NGEF: variants seen among roughly 807,000 people sequenced by gnomAD.
NGEF encodes the protein neuronal guanine nucleotide exchange factor.
A neutral mutation model predicts 80.9 loss-of-function variants in NGEF; 31 were observed. The ratio of observed to expected loss-of-function variants is 0.38; its 90% CI spans 0.29 to 0.52. The LOEUF (loss-of-function observed/expected upper bound fraction) is 0.52, where lower values mean the gene tolerates loss of function less well. Ranked by LOEUF, NGEF falls within the 20% of genes least tolerant of loss-of-function variation. The probability of loss-of-function intolerance (pLI) is 0.84; values close to 1 mark genes in which losing one functional copy is unlikely to be tolerated. For synonymous variants in NGEF, 371 were observed against 370.2 expected, an observed-to-expected ratio of 1.00 and a Z score of -0.03; for missense variants, 709 against 926.2, an observed-to-expected ratio of 0.77 and a Z score of 3.04.
chr2:232,941,522 T>G (rs1980168), intron 3 of NGEF, among the ~76,000 whole-genome samples: 114,571 of 151,566 alleles, frequency 0.76, 43,588 homozygotes, highest in East Asian at 0.89. Context: ...GGAAGATGGA[T>G]TCAGTTAAGT....
At chr2:232,971,839 G>A (rs981991795) in intron 2 of NGEF, among the ~76,000 whole-genome samples, 2 of 152,132 alleles carry the variant, frequency 1.3e-5, no homozygotes, top group Admixed American at 6.5e-5. Flanking sequence ...TTCCCCAGCG[G>A]CCCTCTTGCC....
At chr2:233,005,551 G>C (rs554759051) in intron 1 of NGEF, among the ~76,000 whole-genome samples, 11 of 149,538 alleles carry the variant, frequency 7.4e-5, no homozygotes, top group Non-Finnish European at 1.5e-4. Flanking sequence ...GGTGGATGCA[G>C]TATATTCACA....
chr2:232,880,343 G>C (rs1456094726), intron 14 of NGEF, among the ~76,000 whole-genome samples: 1 of 152,214 alleles, frequency 6.6e-6, no homozygotes, highest in East Asian at 1.9e-4. Context: ...CCCAACCTGG[G>C]AGCTAAGAGG....
chr2:232,898,064 G>T (rs1293474576), intron 5 of NGEF, among the ~76,000 whole-genome samples: 3 of 146,610 alleles, frequency 2.0e-5, no homozygotes. Context: ...ATGACGGGCA[G>T]CCAGTTTCCC....
chr2:232,920,576 T>C lies in NGEF; in HGVS notation c.536A>G (p.Tyr179Cys). ...RNLIEQIGLL[Y>C]QEYRDKSTLQ... is the part of the protein sequence containing the mutation. ...AGTCGATTTATCTCGGTATTCCTGA[T>C]ACAGGAGCCCTGAAATCAAAGAGTT... The change falls in exon 5 of 15, where the codon TAT (tyrosine) becomes TGT (cysteine). Residue 179 changes from tyrosine (Y) to cysteine (C), a missense_variant. Coordinates refer to ENST00000264051, the MANE Select transcript of NGEF (RefSeq NM_019850.3). 1 of 1,515,018 alleles carries C rather than the reference T, an allele frequency of 6.6e-7. No individual in the cohort carries two copies. The highest frequency in any genetic ancestry group is 8.8e-7 in the Non-Finnish European group (1 of 1,131,046). The allele number at this position is 1,515,018 out of a possible 1,614,324, so 93.8% of individuals were successfully genotyped here. A position where few individuals can be genotyped will look rare whatever the true frequency, so the allele number is the denominator to read the frequency against.
chr2:233,008,040 C>G (rs976876092), intron 1 of NGEF, among the ~76,000 whole-genome samples: 6 of 152,202 alleles, frequency 3.9e-5, no homozygotes, highest in Non-Finnish European at 8.8e-5. Context: ...GCAAAACTGT[C>G]TTGATCTTTG....
chr2:232,948,460 T>C (rs564693597), intron 3 of NGEF, among the ~76,000 whole-genome samples: 2 of 152,124 alleles, frequency 1.3e-5, no homozygotes, highest in South Asian at 4.2e-4. Flanking sequence ...GTATGCTGGG[T>C]ATTTAGGGGT....
intron 5 of NGEF, among the ~76,000 whole-genome samples, chr2:232,899,142 TGA>T (rs760464600): frequency 1.1e-4 from 17 of 150,060 alleles, no homozygotes; most frequent in East Asian, 4.0e-4. Context: ...TGAAAGAGTA[TGA>T]GAGTGTGTGA....
intron 3 of NGEF, among the ~76,000 whole-genome samples, chr2:232,927,387 C>G (rs1033154131): frequency 3.3e-5 from 5 of 152,146 alleles, no homozygotes; most frequent in Non-Finnish European, 5.9e-5. Context: ...CACCAGGGCG[C>G]GACCGGGTGA....
chr2:232,994,216 A>G (rs1021217880), intron 1 of NGEF, among the ~76,000 whole-genome samples: 1 of 152,056 alleles, frequency 6.6e-6, no homozygotes, highest in Admixed American at 6.6e-5. Flanking sequence ...CTAAAAATAC[A>G]AAAAGTAGCT....
In NGEF at chr2:233,007,233, G is replaced by A. The variant is rs531313418; in HGVS notation, c.-75+5835C>T. ...CACTCCAGCCTGAGCAACAGAGCAA[G>A]ACCCTGTCTCAAATAAATAAATAAA... On this transcript the variant is annotated intron_variant, in intron 1 of 14. Coordinates refer to ENST00000264051, the MANE Select transcript of NGEF (RefSeq NM_019850.3). Among the ~76,000 whole-genome samples the A allele has an allele frequency of 9.2e-5, 14 of 152,238 alleles. No individual in the cohort carries two copies. In the East Asian group the frequency reaches 2.5e-3, roughly 27 times the overall value.
In NGEF at chr2:232,927,135, G is replaced by C. The variant is rs545320400; in HGVS notation, c.435C>G (p.Ala145=). 7 of 1,611,896 alleles carry C rather than the reference G, an allele frequency of 4.3e-6. No homozygotes were observed. The South Asian group carries it at 7.7e-5, about 18-fold the overall frequency. Residue 145 remains alanine, a synonymous_variant, in exon 4 of 15, where the codon GCC becomes GCG. Transcript: ENST00000264051. ...GNGATPEEWP[A]LADSPTTLTE... ...TGAGCGTGGTGGGGCTGTCGGCCAG[G>C]GCCGGCCACTCCTCGGGCGTGGCCC...
chr2:232,906,798 G>A (rs904985883), intron 5 of NGEF, among the ~76,000 whole-genome samples: 1 of 151,750 alleles, frequency 6.6e-6, no homozygotes, highest in Admixed American at 6.6e-5. Flanking sequence ...TGTGTAGAAA[G>A]TAGTAGACAT....
At chr2:232,999,630 G>GAGT (rs1273002053) in intron 1 of NGEF, among the ~76,000 whole-genome samples, 1 of 152,270 alleles carries the variant, frequency 6.6e-6, no homozygotes, top group Non-Finnish European at 1.5e-5. Context: ...CTTCTAGGAT[G>GAGT]AGTGGCTCAG....
intron 3 of NGEF, among the ~76,000 whole-genome samples, chr2:232,937,360 A>G (rs1333527963): frequency 6.6e-6 from 1 of 152,158 alleles, no homozygotes; most frequent in Non-Finnish European, 1.5e-5. Flanking sequence ...TCCTAAATGC[A>G]GCTGCTCTGT....
At chr2:232,966,651 C>T (rs1038089874) in intron 3 of NGEF, among the ~76,000 whole-genome samples, 2 of 152,182 alleles carry the variant, frequency 1.3e-5, no homozygotes, top group African/African-American at 4.8e-5. Context: ...AGCCCCGTCA[C>T]TCCCCCTTTC....
intron 1 of NGEF, among the ~76,000 whole-genome samples, chr2:232,981,564 G>A (rs757601166): frequency 2.7e-4 from 41 of 152,118 alleles, no homozygotes; most frequent in Non-Finnish European, 5.4e-4. Flanking sequence ...CACCCAGACC[G>A]TGGTAATCTG....
chr2:232,977,310 T>A (rs568122742), intron 1 of NGEF, among the ~76,000 whole-genome samples: 1 of 152,142 alleles, frequency 6.6e-6, no homozygotes, highest in African/African-American at 2.4e-5. Flanking sequence ...ATCTGACCTC[T>A]GGGAGCCTGG....
intron 4 of NGEF, 69 bp from the exon 5 acceptor site, chr2:232,920,654 T>C: frequency 6.9e-7 from 1 of 1,445,500 alleles, no homozygotes; most frequent in Non-Finnish European, 9.3e-7. Flanking sequence ...AATCCCTAAG[T>C]CAAGGCTTCG....
Sources: gnomAD v4.1 joint callset for allele counts (sites outside exome capture counted in the v4.1 genomes callset) on GRCh38, gnomAD v4.1.1 for gene constraint, MANE v1.5 for transcripts, NCBI Gene and HGNC (gene_info 2026-07-23, HGNC 2026-07-21) for gene names.